BORA: variants seen among roughly 807,000 people sequenced by gnomAD.
BORA encodes protein aurora borealis.
BORA carries 26 observed loss-of-function variants against 55.8 expected under a neutral mutation model. That is an observed-to-expected ratio of 0.47 (90% CI 0.34 to 0.65). The LOEUF (loss-of-function observed/expected upper bound fraction) is 0.65. Among genes scored for constraint, BORA ranks in the 30% least tolerant of loss-of-function variants. BORA has a pLI of 0.01. For synonymous variants in BORA, 201 were observed against 216.9 expected (o/e 0.93, Z 0.64); for missense variants, 568 against 671.5 (o/e 0.85, Z 1.70).
At position 72,737,970 on chromosome 13, in the gene BORA, T is replaced by C. The variant is rs751018556; in HGVS notation, c.315T>C (p.Thr105=). Residue 105 remains threonine (T), a synonymous_variant, in exon 5 of 12, where the codon ACT becomes ACC. Coordinates refer to ENST00000390667, the MANE Select transcript of BORA (RefSeq NM_024808.5). The part of the protein sequence containing the change: ...KRQKAIEEFF[T]KDVIVPSPWT... ...GACTTTAATTTTCCTAGTTTTTCAC[T>C]AAAGATGTCATCGTACCCTCTCCTT... is the stretch of plus-strand genomic sequence containing the variant. 6.3e-7 allele frequency: 1 copy of C among 1,585,770 alleles called. No homozygotes were observed. Among genetic ancestry groups the C allele is most frequent in the South Asian group, 1.2e-5 (1 of 86,534 alleles).
intron 4 of BORA, among the ~76,000 whole-genome samples, chr13:72,736,011 A>C (rs905542611): frequency 2.0e-5 from 3 of 150,204 alleles, no homozygotes; most frequent in African/African-American, 7.4e-5. Context: ...AGCCCCCTCA[A>C]CCCTCCTCTG....
At chr13:72,754,079 T>C (rs2033363982) in intron 11 of BORA, 2 of 307,526 alleles carry the variant, frequency 6.5e-6, no homozygotes, top group Non-Finnish European at 6.0e-6. Context: ...GGTGGTTATA[T>C]ATTCATACTT....
chr13:72,733,176 C>T (rs1477611308), intron 3 of BORA, among the ~76,000 whole-genome samples: 2 of 152,168 alleles, frequency 1.3e-5, no homozygotes, highest in East Asian at 1.9e-4. Context: ...CTCGTTTCAT[C>T]CTTAGAAACA....
intron 5 of BORA, among the ~76,000 whole-genome samples, chr13:72,743,093 C>T (rs1000967028): frequency 2.0e-5 from 3 of 152,090 alleles, no homozygotes; most frequent in Non-Finnish European, 4.4e-5. Flanking sequence ...TGATCTGTTG[C>T]ACAGCCAGGT....
chr13:72,749,405 C>T (rs757144792), intron 10 of BORA, among the ~76,000 whole-genome samples: 38 of 152,132 alleles, frequency 2.5e-4, no homozygotes, highest in Non-Finnish European at 4.4e-4. Context: ...AAACTTACTC[C>T]CCTCACTTCT....
At chr13:72,738,305 A>G (rs561304488) in intron 5 of BORA, among the ~76,000 whole-genome samples, 1 of 152,292 alleles carries the variant, frequency 6.6e-6, no homozygotes, top group Admixed American at 6.5e-5. Flanking sequence ...TAGAGGATCC[A>G]TAGATGAAGA....
At position 72,728,955 on chromosome 13, in the gene BORA, G is replaced by A; in HGVS notation, c.15G>A (p.Lys5=). 4 of 1,599,100 alleles carry A rather than the reference G, an allele frequency of 2.5e-6. No homozygotes were observed. The highest frequency in any genetic ancestry group is 3.4e-6 in the Non-Finnish European group (4 of 1,175,612). Residue 5 remains lysine, a synonymous_variant, in exon 2 of 12, where the codon AAG becomes AAA. Transcript: ENST00000390667. The part of the protein sequence containing the change: MGDV[K]ESKMQITPET... ...CTCTCTGTGCTATGGGAGATGTCAA[G>A]GAATCAAAGATGCAAATAACACCAG...
chr13:72,745,031 A>G lies in BORA; in HGVS notation c.562A>G (p.Ser188Gly), dbSNP rs2033111933. The change falls in exon 8 of 12, where the codon AGT (serine) becomes GGT (glycine). Residue 188 changes from serine (S) to glycine (G), a missense_variant. Physicochemically the swap from Ser to Gly is moderately conservative, Grantham distance 56. Transcript: ENST00000390667. ...TGCAGATCAATCTCCTGGAAACCTCAGTTCTTCATCCCTCAGAAGAAAGCT... is the reference window on the plus strand; with the variant it reads ...TGCAGATCAATCTCCTGGAAACCTCGGTTCTTCATCCCTCAGAAGAAAGCT... Reference protein sequence around the residue: ...EFADQSPGNLSSSSLRRKLFL... With the variant: ...EFADQSPGNLGSSSLRRKLFL... 1 of 1,614,008 alleles carries G rather than the reference A, an allele frequency of 6.2e-7. No individual in the cohort carries two copies. Among genetic ancestry groups the G allele is most frequent in the African/African-American group, 1.3e-5 (1 of 74,930 alleles).
intron 2 of BORA, among the ~76,000 whole-genome samples, chr13:72,729,874 A>G (rs1330380066): frequency 6.6e-6 from 1 of 152,222 alleles, no homozygotes; most frequent in African/African-American, 2.4e-5. Flanking sequence ...AGGCAGTGTG[A>G]TAGGTGATAT....
At chr13:72,728,028 C>T in intron 1 of BORA, 21 bp downstream of exon 1, 1 of 1,550,510 alleles carries the variant, frequency 6.4e-7, no homozygotes, top group Admixed American at 2.0e-5. Context: ...TCTTTGTGGT[C>T]CCTGGCCTTT....
intron 6 of BORA, among the ~76,000 whole-genome samples, 166 bp downstream of exon 6, chr13:72,743,768 G>T (rs2033085214): frequency 6.6e-6 from 1 of 151,182 alleles, no homozygotes; most frequent in East Asian, 1.9e-4. Flanking sequence ...CTGTCACCCA[G>T]GCTGGAGTGC....
chr13:72,735,063 C>A, intron 4 of BORA, 58 bp downstream of exon 4: 3 of 1,339,194 alleles, frequency 2.2e-6, no homozygotes, highest in East Asian at 2.3e-5. Context: ...GCATGTACAT[C>A]ACTTCTTTTA....
chr13:72,750,448 T>C (rs181543486), intron 10 of BORA, among the ~76,000 whole-genome samples: 55 of 152,200 alleles, frequency 3.6e-4, no homozygotes, highest in African/African-American at 1.1e-3. Context: ...TCAGATCTTT[T>C]TGTAGTTTGC....
At chr13:72,744,814 A>G (rs1174877229) in intron 7 of BORA, among the ~76,000 whole-genome samples, 167 bp from the exon 8 acceptor site, 1 of 152,224 alleles carries the variant, frequency 6.6e-6, no homozygotes, top group African/African-American at 2.4e-5. Flanking sequence ...CTTAAAAACT[A>G]AGGAATAATT....
chr13:72,740,952 T>C (rs2033022393), intron 5 of BORA, among the ~76,000 whole-genome samples: 1 of 152,216 alleles, frequency 6.6e-6, no homozygotes, highest in Non-Finnish European at 1.5e-5. Context: ...TAAGATAATG[T>C]ACCTAGCACA....
chr13:72,755,794 G>A lies in BORA; in HGVS notation c.*578G>A, dbSNP rs1438349669. The A allele has an allele frequency of 7.5e-6, 3 of 398,284 alleles. No individual in the cohort carries two copies. Among genetic ancestry groups the A allele is most frequent in the Admixed American group, 4.4e-5 (1 of 22,726 alleles). 24.7% of individuals were successfully genotyped at this position (398,284 alleles called of 1,614,324 possible). On this transcript the variant is annotated 3_prime_UTR_variant, in exon 12 of 12. Transcript: ENST00000390667. ...TGTTCTAGTTACTACTTTTAAGTAT[G>A]TAAATACTAGAAAGGTAGTACTAGT...
In BORA at chr13:72,746,718, A is replaced by G. The variant is rs41286054; in HGVS notation, c.1089A>G (p.Glu363=). ...TTGAGACTCAAGGTGAAGATGAGGAAGATAAAGAGAATATTCCTTCCACAG... is the reference window on the plus strand; with the variant it reads ...TTGAGACTCAAGGTGAAGATGAGGAGGATAAAGAGAATATTCCTTCCACAG... ...FTLETQGEDE[E]DKENIPSTDV... Residue 363 remains glutamate, a synonymous_variant, in exon 10 of 12, where the codon GAA becomes GAG. Coordinates refer to ENST00000390667, the MANE Select transcript of BORA (RefSeq NM_024808.5). 9.3e-3 allele frequency: 15,058 copies of G among 1,614,166 alleles called. 88 individuals are homozygous for G. Among genetic ancestry groups the G allele is most frequent in the Non-Finnish European group, 0.011 (12,808 of 1,180,010 alleles).
intron 10 of BORA, among the ~76,000 whole-genome samples, chr13:72,748,924 T>C (rs767341920): frequency 1.6e-4 from 24 of 152,320 alleles, no homozygotes; most frequent in Non-Finnish European, 1.8e-4. Context: ...GGCTATTCCA[T>C]TCATTTTTTA....
intron 5 of BORA, among the ~76,000 whole-genome samples, chr13:72,743,062 G>C (rs1442853649): frequency 6.6e-6 from 1 of 152,132 alleles, no homozygotes; most frequent in Non-Finnish European, 1.5e-5. Flanking sequence ...GTTTCAGTTA[G>C]ACAGGAGGAA....
Sources: allele counts gnomAD v4.1 joint callset (sites outside exome capture counted in the v4.1 genomes callset), GRCh38; gene constraint gnomAD v4.1.1; transcripts MANE v1.5; gene names NCBI Gene and HGNC (gene_info 2026-07-23, HGNC 2026-07-21).